Variants in HMGCLL1 observed in about 807,000 individuals in gnomAD.
HMGCLL1 encodes the protein 3-hydroxy-3-methylglutaryl-CoA lyase like 1.
A neutral mutation model predicts 39.1 loss-of-function variants in HMGCLL1; 36 were observed. That is an observed-to-expected ratio of 0.92 (90% confidence interval 0.71 to 1.22). The LOEUF (loss-of-function observed/expected upper bound fraction) is 1.22, where lower values mean the gene tolerates loss of function less well. Ranked by LOEUF, HMGCLL1 falls within the 50% of genes most tolerant of loss-of-function variation. HMGCLL1 has a pLI of 0.00. For missense variants in HMGCLL1, 451 were observed against 416.5 expected, an observed-to-expected ratio of 1.08 and a Z score of -0.72; for synonymous variants, 149 against 144.0, an observed-to-expected ratio of 1.03 and a Z score of -0.25.
chr6:55,503,433 G>C (rs1466953403), intron 5 of HMGCLL1, among the ~76,000 whole-genome samples: 1 of 151,558 alleles, frequency 6.6e-6, no homozygotes, highest in African/African-American at 2.4e-5. Context: ...ATGCTTCTGT[G>C]GTATCAACCT....
chr6:55,442,441 T>C (rs1382502942), intron 7 of HMGCLL1, among the ~76,000 whole-genome samples: 2 of 152,138 alleles, frequency 1.3e-5, no homozygotes, highest in African/African-American at 4.8e-5. Flanking sequence ...CATTTGGCCA[T>C]TGGGAGCTCT....
At chr6:55,559,393 G>C (rs1445168623) in intron 1 of HMGCLL1, among the ~76,000 whole-genome samples, 1 of 152,142 alleles carries the variant, frequency 6.6e-6, no homozygotes, top group Non-Finnish European at 1.5e-5. Context: ...AACATAAATA[G>C]GTAAAACTCT....
At chr6:55,656,674 T>C in the HMGCLL1 span, among the ~76,000 whole-genome samples, 1 of 152,022 alleles carries the variant, frequency 6.6e-6, no homozygotes, top group Non-Finnish European at 1.5e-5. Context: ...TGAATTATGA[T>C]GCACTAAGAA....
chr6:55,481,565 G>T (rs1010439105), intron 7 of HMGCLL1, among the ~76,000 whole-genome samples: 2 of 84,572 alleles, frequency 2.4e-5, no homozygotes, highest in Admixed American at 2.8e-4. Flanking sequence ...TAATAAGTGG[G>T]ATACAAGAGA....
chr6:55,566,563 T>C (rs894507784), intron 1 of HMGCLL1: 17 of 455,520 alleles, frequency 3.7e-5, no homozygotes, highest in Admixed American at 7.1e-5. Context: ...AGCTTAGACA[T>C]TGCAACAGAG....
At chr6:55,669,777 G>A in the HMGCLL1 span, among the ~76,000 whole-genome samples, 1 of 151,816 alleles carries the variant, frequency 6.6e-6, no homozygotes, top group East Asian at 1.9e-4. Flanking sequence ...CAAAACACTT[G>A]AAGGTAGATC....
rs1769149378 is a variant in HMGCLL1, at chr6:55,538,372, T to A, written c.297+3357A>T. Among the ~76,000 whole-genome samples, 5 of 152,232 alleles carry A rather than the reference T, an allele frequency of 3.3e-5. No individual in the cohort carries two copies. In the South Asian group the frequency reaches 1.0e-3, roughly 32 times the overall value. On this transcript the variant is annotated intron_variant, in intron 3 of 8. Transcript: ENST00000274901. ...GTTATATCAGCCTATTCAGTTTCTC[T>A]CCAGCAATAATCAAATATGTGAAAT...
Position 55,495,446 on chromosome 6 carries a change from G to C in HMGCLL1, c.768C>G (p.Ala256=). ...AVHCHDTYGQ[A]LANILTALQM... is the part of the protein sequence containing the mutation. ...GAAGGGCCGTAAGGATATTTGCTAA[G>C]GCTTGTCCGTATGTGTCATGACAGT... Residue 256 remains alanine (A), a synonymous_variant, in exon 7 of 9, where the codon GCC becomes GCG. Coordinates refer to ENST00000274901, the MANE Select transcript of HMGCLL1 (RefSeq NM_001042406.2). The C allele has an allele frequency of 1.9e-6, 3 of 1,613,916 alleles. No individual in the cohort carries two copies. Among genetic ancestry groups the C allele is most frequent in the Non-Finnish European group, 2.5e-6 (3 of 1,179,898 alleles).
At chr6:55,475,461 CCT>C (rs1338228137) in intron 7 of HMGCLL1, among the ~76,000 whole-genome samples, 3 of 151,472 alleles carry the variant, frequency 2.0e-5, no homozygotes, top group Non-Finnish European at 4.4e-5. Flanking sequence ...TCTGGATTTG[CCT>C]CTCTCTCCAG....
chr6:55,604,371 C>T, the HMGCLL1 span, among the ~76,000 whole-genome samples: 2 of 152,114 alleles, frequency 1.3e-5, no homozygotes, highest in Non-Finnish European at 2.9e-5. Context: ...GTAGCAAGCA[C>T]ACATAATTAG....
chr6:55,600,339 T>A, the HMGCLL1 span, among the ~76,000 whole-genome samples: 15 of 152,260 alleles, frequency 9.9e-5, no homozygotes, highest in African/African-American at 2.9e-4. Flanking sequence ...AGAAAGAATT[T>A]TGAAAAATAT....
intron 1 of HMGCLL1, among the ~76,000 whole-genome samples, chr6:55,571,015 G>C (rs1416696037): frequency 6.6e-6 from 1 of 152,166 alleles, no homozygotes; most frequent in Non-Finnish European, 1.5e-5. Context: ...ACTACCACAA[G>C]AACAGTATGC....
the HMGCLL1 span, among the ~76,000 whole-genome samples, chr6:55,632,476 T>G: frequency 1.3e-5 from 2 of 151,248 alleles, no homozygotes; most frequent in Non-Finnish European, 3.0e-5. Flanking sequence ...AATTCATGAT[T>G]GGCAGTTTAT....
chr6:55,495,998 G>C (rs966790766), intron 6 of HMGCLL1, among the ~76,000 whole-genome samples: 3 of 151,478 alleles, frequency 2.0e-5, no homozygotes. Context: ...ATTAGTTTAG[G>C]GGTCAAAATA....
chr6:55,578,968 C>T lies in HMGCLL1; in HGVS notation c.88G>A (p.Gly30Arg). The stretch of plus-strand genomic sequence containing the variant: ...GGTACCTGCGCGGGGTCGAGCGCCC[C>T]TGCCACTGAATCCCCGATCCAGAGA... ...EHLWIGDSVA[G>R]ALDPAQETSQ... is the part of the protein sequence containing the mutation. The change falls in exon 1 of 9, where the codon GGG (glycine) becomes AGG (arginine). Residue 30 changes from glycine (G) to arginine (R), a missense_variant. By Grantham distance (125) the Gly-to-Arg change is moderately radical. Transcript: ENST00000274901. 1 of 1,613,204 alleles carries T rather than the reference C, an allele frequency of 6.2e-7. No homozygotes were observed. The highest frequency in any genetic ancestry group is 2.2e-5 in the East Asian group (1 of 44,770).
At chr6:55,662,615 G>A in the HMGCLL1 span, among the ~76,000 whole-genome samples, 2 of 151,668 alleles carry the variant, frequency 1.3e-5, no homozygotes, top group Non-Finnish European at 2.9e-5. Flanking sequence ...TTGCATCGAT[G>A]TTCATCAAGG....
intron 7 of HMGCLL1, among the ~76,000 whole-genome samples, chr6:55,475,174 G>A (rs1041480426): frequency 6.6e-6 from 1 of 151,512 alleles, no homozygotes; most frequent in Admixed American, 6.6e-5. Flanking sequence ...GCTGGGATAA[G>A]GTACTAGTAA....
chr6:55,456,693 T>A (rs538720315), intron 7 of HMGCLL1, among the ~76,000 whole-genome samples: 1 of 152,284 alleles, frequency 6.6e-6, no homozygotes, highest in Non-Finnish European at 1.5e-5. Context: ...CTTTGTGTCC[T>A]CCAATGCCTT....
the HMGCLL1 span, among the ~76,000 whole-genome samples, chr6:55,665,755 G>T: frequency 1.3e-5 from 2 of 151,562 alleles, no homozygotes; most frequent in Admixed American, 6.6e-5. Context: ...AACTGAATTG[G>T]TTACATGAGG....
Sources: gnomAD v4.1 joint callset for allele counts (sites outside exome capture counted in the v4.1 genomes callset) on GRCh38, gnomAD v4.1.1 for gene constraint, MANE v1.5 for transcripts, NCBI Gene and HGNC (gene_info 2026-07-23, HGNC 2026-07-21) for gene names.